The following NOS1 variants were observed in gnomAD, a reference collection of about 807,000 sequenced individuals.
NOS1 encodes NOS type I.
In NOS1, 51 loss-of-function variants were observed where a neutral mutation model predicts 164.5. The observed-to-expected ratio is 0.31, with a 90% CI of 0.25 to 0.39. The LOEUF is 0.39. Among genes scored for constraint, NOS1 ranks in the 10% least tolerant of loss-of-function variants. The probability of loss-of-function intolerance (pLI) is 1.00; values close to 1 mark genes in which losing one functional copy is unlikely to be tolerated. For synonymous variants in NOS1, 719 were observed against 745.8 expected (o/e 0.96, Z 0.59); for missense variants, 1,362 against 1,885.6 (o/e 0.72, Z 5.14).
chr12:117,285,666 CAG>C (rs1874060796), intron 6 of NOS1, among the ~76,000 whole-genome samples: 1 of 151,984 alleles, frequency 6.6e-6, no homozygotes, highest in South Asian at 2.1e-4. Flanking sequence ...GATTAAAAAA[CAG>C]AACAAAAATC....
At chr12:117,277,513 G>A (rs1427640886) in intron 9 of NOS1, among the ~76,000 whole-genome samples, 1 of 152,028 alleles carries the variant, frequency 6.6e-6, no homozygotes, top group African/African-American at 2.4e-5. Context: ...AGGATCACTT[G>A]AGCCCAGCAG....
chr12:117,274,354 A>G (rs1592976629), intron 9 of NOS1, among the ~76,000 whole-genome samples: 1 of 152,128 alleles, frequency 6.6e-6, no homozygotes, highest in East Asian at 1.9e-4. Context: ...ACTCTCATAC[A>G]CTGTTGGTGG....
chr12:117,226,248 T>C (rs1475191270), intron 24 of NOS1, among the ~76,000 whole-genome samples: 1 of 152,216 alleles, frequency 6.6e-6, no homozygotes, highest in African/African-American at 2.4e-5. Context: ...AGATCAGCTA[T>C]AGCCTTTACA....
chr12:117,292,074 G>C (rs1244761715), intron 3 of NOS1, among the ~76,000 whole-genome samples: 1 of 152,154 alleles, frequency 6.6e-6, no homozygotes, highest in African/African-American at 2.4e-5. Flanking sequence ...CATTCAATTA[G>C]CATTTATTGA....
rs1956500831 is a variant in NOS1 at position 117,209,869 on chromosome 12, T to C, written c.*5440A>G. The C allele has an allele frequency of 1.0e-6, 1 of 985,338 alleles. No individual in the cohort carries two copies. Among genetic ancestry groups the C allele is most frequent in the South Asian group, 4.7e-5 (1 of 21,296 alleles). 61.0% of individuals were successfully genotyped at this position (985,338 alleles called of 1,614,324 possible). A position where few individuals can be genotyped will look rare whatever the true frequency, so the allele number is the denominator to read the frequency against. ...GGCCAGGCCAGGTTGGCCTCCAAAG[T>C]CAAATCCCTGTTCATGGGGAACATC... On this transcript the variant is annotated 3_prime_UTR_variant, in exon 29 of 29. Coordinates refer to ENST00000317775, the MANE Select transcript of NOS1 (RefSeq NM_000620.5).
intron 1 of NOS1, among the ~76,000 whole-genome samples, chr12:117,339,102 C>A (rs1305192290): frequency 6.6e-6 from 1 of 152,168 alleles, no homozygotes; most frequent in Non-Finnish European, 1.5e-5. Flanking sequence ...AGATCACCAC[C>A]CAGGAATCAA....
At chr12:117,251,021 C>A (rs1207632072) in intron 17 of NOS1, among the ~76,000 whole-genome samples, 1 of 152,192 alleles carries the variant, frequency 6.6e-6, no homozygotes, top group Non-Finnish European at 1.5e-5. Context: ...TGAAACCTAA[C>A]CCCCAATGTC....
chr12:117,337,185 G>A (rs372595856), intron 1 of NOS1, among the ~76,000 whole-genome samples: 34 of 142,216 alleles, frequency 2.4e-4, no homozygotes, highest in East Asian at 1.9e-3. Context: ...GCGCGATCTC[G>A]GCTCACCGCA....
rs774609812 is a variant in NOS1 at position 117,220,082 on chromosome 12, C to A, written c.4163G>T (p.Arg1388Leu). 1 of 1,606,888 alleles carries A rather than the reference C, an allele frequency of 6.2e-7. No homozygotes were observed. Among genetic ancestry groups the A allele is most frequent in the South Asian group, 1.1e-5 (1 of 89,722 alleles). ...SAEDAGVFISRMRDDNRYHED... is the reference protein window; with the variant it reads ...SAEDAGVFISLMRDDNRYHED... Reference sequence around the variant, plus strand: ...AGTCAGCCTGTCACTCACCCTCATCCGGCTGATGAATACGCCGGCGTCCTC... The same window carrying A: ...AGTCAGCCTGTCACTCACCCTCATCAGGCTGATGAATACGCCGGCGTCCTC... Residue 1388 changes from arginine to leucine, a missense_variant, in exon 27 of 29, where the codon CGG becomes CTG. By Grantham distance (102) the Arg-to-Leu change is moderately radical (BLOSUM62 -2). Around this residue, in one of 4 missense-constraint regions of NOS1, gnomAD observed 737 missense variants for 1,030.3 expected, o/e 0.72. Coordinates refer to ENST00000317775, the MANE Select transcript of NOS1 (RefSeq NM_000620.5).
chr12:117,269,144 A>G (rs1872629390), intron 10 of NOS1, among the ~76,000 whole-genome samples: 1 of 152,132 alleles, frequency 6.6e-6, no homozygotes, highest in South Asian at 2.1e-4. Flanking sequence ...TAATTCAGCT[A>G]GGGTAGTCAG....
chr12:117,223,549 T>G (rs1457956688), intron 25 of NOS1, among the ~76,000 whole-genome samples: 5 of 151,650 alleles, frequency 3.3e-5, no homozygotes, highest in Non-Finnish European at 5.9e-5. Flanking sequence ...CGTGAGCCAC[T>G]GTGCCTGGCC....
chr12:117,266,615 G>A (rs971488877), intron 11 of NOS1, among the ~76,000 whole-genome samples: 3 of 150,258 alleles, frequency 2.0e-5, no homozygotes, highest in Non-Finnish European at 2.9e-5. Flanking sequence ...TCGGCTCGCC[G>A]CAACCTCTAT....
Position 117,210,148 on chromosome 12 carries a change from T to A in NOS1, c.*5161A>T, listed in dbSNP as rs974810160. The A allele has an allele frequency of 1.8e-4, 94 of 537,110 alleles. 1 individual carries two copies. Among genetic ancestry groups the A allele is most frequent in the Non-Finnish European group, 1.9e-4 (79 of 420,306 alleles). The allele number at this position is 537,110 out of a possible 1,614,324, so 33.3% of individuals were successfully genotyped here. A position where few individuals can be genotyped will look rare whatever the true frequency, so the allele number is the denominator to read the frequency against. ...CCATCATGCCCAGCTAATTTTTTTT[T>A]TTTTTTTTTTTTAGTAGAGACGAGA... On this transcript the variant is annotated 3_prime_UTR_variant, in exon 29 of 29. Transcript: ENST00000317775.
rs1392611292 is a variant in NOS1 at position 117,211,397 on chromosome 12, C to G, written c.*3912G>C. The G allele has an allele frequency of 3.3e-5, 33 of 985,364 alleles. No homozygotes were observed. Among genetic ancestry groups the G allele is most frequent in the Non-Finnish European group, 3.9e-5 (32 of 830,020 alleles). 61.0% of individuals were successfully genotyped at this position (985,364 alleles called of 1,614,324 possible). A position where few individuals can be genotyped will look rare whatever the true frequency, so the allele number is the denominator to read the frequency against. ...CAAGCCTTGGTTGCAGCAATAACCC[C>G]CCCAACAGCTCAACGGGCCATGCTC... On this transcript the variant is annotated 3_prime_UTR_variant, in exon 29 of 29. Coordinates refer to ENST00000317775, the MANE Select transcript of NOS1 (RefSeq NM_000620.5).
chr12:117,286,373 GTTGATTTCTGGATGCAACAGT>G (rs1323496837), intron 5 of NOS1, 107 bp from the exon 6 acceptor site: 32 of 1,204,860 alleles, frequency 2.7e-5, no homozygotes, highest in Middle Eastern at 2.3e-4. Context: ...AAAATTCCAA[GTTGATTTCTGGATGCAACAGT>G]TTGATTTCTG....
intron 13 of NOS1, among the ~76,000 whole-genome samples, chr12:117,263,575 C>CTAT (rs71099036): frequency 4.6e-3 from 649 of 141,896 alleles, no homozygotes; most frequent in East Asian, 0.013. Flanking sequence ...CAAGGTATTA[C>CTAT]TATTATTATT....
intron 1 of NOS1, among the ~76,000 whole-genome samples, chr12:117,360,743 G>T (rs569017891): frequency 6.6e-6 from 1 of 152,338 alleles, no homozygotes; most frequent in East Asian, 1.9e-4. Context: ...CGATTCGGCC[G>T]CAGAGTCGGG....
chr12:117,240,906 C>T (rs1445220943), intron 20 of NOS1, among the ~76,000 whole-genome samples: 1 of 151,980 alleles, frequency 6.6e-6, no homozygotes, highest in East Asian at 1.9e-4. Flanking sequence ...CTCTGTCCAT[C>T]CATCTCTCTC....
Position 117,259,121 on chromosome 12 carries a change from T to C in NOS1, c.2377A>G (p.Met793Val), listed in dbSNP as rs753615929. 15 of 1,612,856 alleles carry C rather than the reference T, an allele frequency of 9.3e-6. No homozygotes were observed. The highest frequency in any genetic ancestry group is 1.1e-5 in the Non-Finnish European group (13 of 1,179,146). Residue 793 changes from methionine to valine, a missense_variant, in exon 15 of 29, where the codon ATG becomes GTG. This residue lies in a region of NOS1 where 737 missense variants were observed against 1,030.3 expected (regional missense o/e 0.72). Transcript: ENST00000317775. ...KHAFDAKVMS[M>V]EEYDIVHLEH... ...AGGTGCACAATGTCATATTCTTCCA[T>C]GGACATCACCTAGGTGGGCAGGGCA...
Sources: allele counts gnomAD v4.1 joint callset (sites outside exome capture counted in the v4.1 genomes callset), GRCh38; gene constraint gnomAD v4.1.1; regional missense constraint gnomAD v4.1.1; transcripts MANE v1.5; gene names NCBI Gene and HGNC (gene_info 2026-07-23, HGNC 2026-07-21).